Variants in RNF138 observed in about 807,000 individuals in gnomAD.
The protein encoded by RNF138 is E3 ubiquitin-protein ligase RNF138.
In RNF138, 12 loss-of-function variants were observed where a neutral mutation model predicts 31.0. The observed-to-expected ratio is 0.39, with a 90% confidence interval of 0.25 to 0.63. RNF138 has a LOEUF of 0.63. Ranked by LOEUF, RNF138 falls within the 20% of genes least tolerant of loss-of-function variation. The probability of loss-of-function intolerance (pLI) is 0.52; values close to 1 mark genes in which losing one functional copy is unlikely to be tolerated. For synonymous variants in RNF138, 105 were observed against 99.5 expected, an observed-to-expected ratio of 1.06 and a Z score of -0.33; for missense variants, 192 against 300.1, an observed-to-expected ratio of 0.64 and a Z score of 2.66.
At chr18:32,124,571 A>G (rs2040355848) in intron 5 of RNF138, 163 bp from the exon 6 acceptor site, 1 of 572,504 alleles carries the variant, frequency 1.7e-6, no homozygotes, top group East Asian at 2.9e-5. Flanking sequence ...AACCTCTGTA[A>G]TGCATCATTT....
intron 2 of RNF138, among the ~76,000 whole-genome samples, chr18:32,093,105 GCTCCCGCTCTCCCGCTCTCCCGCT>G (rs71177843): frequency 9.4e-4 from 140 of 149,572 alleles, no homozygotes; most frequent in Middle Eastern, 6.8e-3. Context: ...CTCAGCCCAA[GCTCCCGCTCTCCCGCTCTCCCGCT>G]CTCCCGCTCT....
chr18:32,110,937 C>T (rs751968517), intron 2 of RNF138, among the ~76,000 whole-genome samples: 11 of 152,208 alleles, frequency 7.2e-5, no homozygotes, highest in South Asian at 2.1e-4. Context: ...CCTGTCACCA[C>T]GCCCGGCTAA....
chr18:32,124,209 A>G (rs2040351120), intron 5 of RNF138: 1 of 153,062 alleles, frequency 6.5e-6, no homozygotes, highest in Non-Finnish European at 1.5e-5. Context: ...AATGTTTTCG[A>G]GTATTTCATT....
intron 4 of RNF138, among the ~76,000 whole-genome samples, chr18:32,115,716 G>T (rs2040203828): frequency 6.6e-6 from 1 of 152,122 alleles, no homozygotes; most frequent in African/African-American, 2.4e-5. Context: ...CTGCACTCTA[G>T]CCTGGGCGAC....
rs961115946 is a variant in RNF138, at chr18:32,130,098, G to A, written c.*911G>A. The stretch of plus-strand genomic sequence containing the variant: ...TGTATATATACATATACTTTTGTGT[G>A]TATATATACACATATGTGTGTATGC... On this transcript the variant is annotated 3_prime_UTR_variant, in exon 8 of 8. Transcript: ENST00000261593. 2.6e-5 allele frequency: 4 copies of A among 152,304 alleles called. No individual in the cohort carries two copies. The highest frequency in any genetic ancestry group is 2.6e-4 in the Admixed American group (4 of 15,244). The allele number at this position is 152,304 out of a possible 1,614,324, so 9.4% of individuals were successfully genotyped here.
At chr18:32,120,632 C>T (rs917691167) in intron 4 of RNF138, among the ~76,000 whole-genome samples, 5 of 152,004 alleles carry the variant, frequency 3.3e-5, no homozygotes, top group Non-Finnish European at 7.4e-5. Context: ...GATACAACAG[C>T]CTAGGCATGA....
chr18:32,096,009 G>A (rs2039798161), intron 2 of RNF138, among the ~76,000 whole-genome samples: 1 of 152,204 alleles, frequency 6.6e-6, no homozygotes, highest in Non-Finnish European at 1.5e-5. Flanking sequence ...GAATGCCAGA[G>A]TCAAGGAGGG....
At chr18:32,095,842 A>G (rs1374793177) in intron 2 of RNF138, among the ~76,000 whole-genome samples, 1 of 152,232 alleles carries the variant, frequency 6.6e-6, no homozygotes, top group Non-Finnish European at 1.5e-5. Context: ...CTGGAGACTT[A>G]ATAGTCCGCT....
chr18:32,113,834 G>C lies in RNF138; in HGVS notation c.366G>C (p.Gln122His). 1.3e-6 allele frequency: 2 copies of C among 1,529,104 alleles called. No individual in the cohort carries two copies. The highest frequency in any genetic ancestry group is 8.9e-7 in the Non-Finnish European group (1 of 1,126,536). The allele number at this position is 1,529,104 out of a possible 1,614,324, so 94.7% of individuals were successfully genotyped here. ...TTTCTTCTATCATTCCAAACTTTCAGATCTCTCAAGATTCAGTAGGGAACA... is the reference window on the plus strand; with the variant it reads ...TTTCTTCTATCATTCCAAACTTTCACATCTCTCAAGATTCAGTAGGGAACA... Reference protein sequence around the residue: ...YGVSSIIPNFQISQDSVGNSN... With the variant: ...YGVSSIIPNFHISQDSVGNSN... The change falls in exon 4 of 8, where the codon CAG becomes CAC. Residue 122 changes from glutamine to histidine, a missense_variant. Around this residue, in one of 2 missense-constraint regions of RNF138, gnomAD observed 140 missense variants for 251.7 expected, o/e 0.56. Transcript: ENST00000261593.
Position 32,129,201 on chromosome 18 carries a change from C to T in RNF138, c.*14C>T. 1 of 1,596,180 alleles carries T rather than the reference C, an allele frequency of 6.3e-7. No homozygotes were observed. Among genetic ancestry groups the T allele is most frequent in the Non-Finnish European group, 8.6e-7 (1 of 1,165,438 alleles). ...GTAAACATCTGAAGGCTGTAGACAT[C>T]TCTGCATCTTTGTACCTGCAAGTGC... On this transcript the variant is annotated 3_prime_UTR_variant, in exon 8 of 8. Transcript: ENST00000261593.
chr18:32,120,308 A>G (rs2040283018), intron 4 of RNF138, among the ~76,000 whole-genome samples: 1 of 152,162 alleles, frequency 6.6e-6, no homozygotes, highest in South Asian at 2.1e-4. Context: ...ACATATATAC[A>G]TCTGGCTAGA....
At chr18:32,124,888 C>A in intron 6 of RNF138, 43 bp downstream of exon 6, 1 of 970,620 alleles carries the variant, frequency 1.0e-6, no homozygotes, top group Non-Finnish European at 1.7e-6. Flanking sequence ...TAGAATAAAA[C>A]ATGCTGTTCT....
chr18:32,129,103 A>G lies in RNF138; in HGVS notation c.670-16A>G, dbSNP rs921769794. On this transcript the variant is annotated splice_polypyrimidine_tract_variant and intron_variant, in intron 7 of 7. Coordinates refer to ENST00000261593, the MANE Select transcript of RNF138 (RefSeq NM_016271.5). ...GAATATGTTTTTCCTGTTGACATGA[A>G]TGTTATTGTTTTTAGAATCTTCAGC... 6.3e-7 allele frequency: 1 copy of G among 1,579,138 alleles called. No homozygotes were observed. Among genetic ancestry groups the G allele is most frequent in the Non-Finnish European group, 8.7e-7 (1 of 1,148,872 alleles).
chr18:32,121,843 T>C (rs1372169907), intron 4 of RNF138, among the ~76,000 whole-genome samples: 3 of 152,178 alleles, frequency 2.0e-5, no homozygotes, highest in Admixed American at 2.0e-4. Context: ...AAGGTACAAA[T>C]AGTAGTTTAA....
intron 2 of RNF138, among the ~76,000 whole-genome samples, chr18:32,107,946 C>G (rs2144589091): frequency 6.6e-6 from 1 of 152,238 alleles, no homozygotes; most frequent in Middle Eastern, 3.4e-3. Flanking sequence ...GCTCCACCTC[C>G]CAGGTACGAG....
At chr18:32,116,877 G>A (rs558551932) in intron 4 of RNF138, among the ~76,000 whole-genome samples, 29 of 150,740 alleles carry the variant, frequency 1.9e-4, no homozygotes, top group African/African-American at 6.8e-4. Flanking sequence ...GAGCCACCAC[G>A]CCTGGCCAGA....
intron 4 of RNF138, 110 bp from the exon 5 acceptor site, chr18:32,123,408 C>A: frequency 1.4e-6 from 1 of 693,432 alleles, no homozygotes; most frequent in Non-Finnish European, 2.2e-6. Flanking sequence ...GAAGTTCAGA[C>A]TTTTAAAACA....
intron 2 of RNF138, among the ~76,000 whole-genome samples, chr18:32,108,872 A>G (rs563305975): frequency 1.2e-4 from 18 of 152,006 alleles, no homozygotes; most frequent in Admixed American, 3.3e-4. Context: ...TACAGGAGCA[A>G]AGTCTCACTA....
At chr18:32,096,422 AGTT>A (rs974737983) in intron 2 of RNF138, among the ~76,000 whole-genome samples, 3 of 152,188 alleles carry the variant, frequency 2.0e-5, no homozygotes, top group Non-Finnish European at 4.4e-5. Flanking sequence ...TGGGTTCAGT[AGTT>A]AAGTGTGTAT....
Sources: gnomAD v4.1 joint callset for allele counts (sites outside exome capture counted in the v4.1 genomes callset) on GRCh38, gnomAD v4.1.1 for gene constraint, gnomAD v4.1.1 regional missense constraint, MANE v1.5 for transcripts, NCBI Gene and HGNC (gene_info 2026-07-23, HGNC 2026-07-21) for gene names.